SLC24A2: variants seen among roughly 807,000 people sequenced by gnomAD.
The protein encoded by SLC24A2 is solute carrier family 24 member 2.
A neutral mutation model predicts 62.0 loss-of-function variants in SLC24A2; 36 were observed. That is an observed-to-expected ratio of 0.58 (90% CI 0.44 to 0.77). SLC24A2 has a LOEUF of 0.77. Among genes scored for constraint, SLC24A2 ranks in the 30% least tolerant of loss-of-function variants. The pLI is 0.00. For missense variants in SLC24A2, 846 were observed against 817.9 expected, an observed-to-expected ratio of 1.03 and a Z score of -0.42; for synonymous variants, 358 against 294.0, an observed-to-expected ratio of 1.22 and a Z score of -2.23.
the SLC24A2 span, among the ~76,000 whole-genome samples, chr9:19,900,226 A>C: frequency 2.6e-5 from 4 of 152,226 alleles, no homozygotes; most frequent in South Asian, 8.3e-4. Flanking sequence ...TCATTTAGCC[A>C]GTTCTGATGT....
chr9:20,251,637 T>C, the SLC24A2 span, among the ~76,000 whole-genome samples: 4 of 152,322 alleles, frequency 2.6e-5, no homozygotes, highest in Middle Eastern at 3.4e-3. Context: ...AGTTACATGG[T>C]ATATCAGTTA....
chr9:19,904,656 C>T, the SLC24A2 span, among the ~76,000 whole-genome samples: 2 of 152,132 alleles, frequency 1.3e-5, no homozygotes, highest in African/African-American at 4.8e-5. Context: ...TGATTCTTCT[C>T]AGTCAGGTAA....
chr9:20,162,517 C>A, the SLC24A2 span, among the ~76,000 whole-genome samples: 8 of 151,970 alleles, frequency 5.3e-5, no homozygotes, highest in East Asian at 1.9e-4. Context: ...GAGTCCAGGA[C>A]CAGATGGATT....
At chr9:19,523,347 G>A (rs1374599963) in intron 9 of SLC24A2, among the ~76,000 whole-genome samples, 1 of 152,140 alleles carries the variant, frequency 6.6e-6, no homozygotes, top group Non-Finnish European at 1.5e-5. Flanking sequence ...TTTCCTATCT[G>A]TAAAATGAGG....
In SLC24A2 at chr9:19,514,877, C is replaced by G. The variant is rs534599657; in HGVS notation, c.*1276G>C. On this transcript the variant is annotated 3_prime_UTR_variant, in exon 11 of 11. Coordinates refer to ENST00000341998, the MANE Select transcript of SLC24A2 (RefSeq NM_020344.4). ...CAAGCATCGCTAAGTTGCCTCAACC[C>G]AAGCAGTGCTGATCAGAGTTAAGTT... is the stretch of plus-strand genomic sequence containing the variant. The G allele has an allele frequency of 4.5e-4, 69 of 152,292 alleles. No individual in the cohort carries two copies. The highest frequency in any genetic ancestry group is 1.7e-3 in the African/African-American group (69 of 41,564). The allele number at this position is 152,292 out of a possible 1,614,324, so 9.4% of individuals were successfully genotyped here. A position where few individuals can be genotyped will look rare whatever the true frequency, so the allele number is the denominator to read the frequency against.
At chr9:20,111,405 G>A in the SLC24A2 span, among the ~76,000 whole-genome samples, 1 of 152,116 alleles carries the variant, frequency 6.6e-6, no homozygotes, top group Non-Finnish European at 1.5e-5. Flanking sequence ...CTCTCCAGGT[G>A]TTATTAGCCT....
At chr9:19,634,980 C>T (rs976455333) in intron 2 of SLC24A2, among the ~76,000 whole-genome samples, 18 of 152,114 alleles carry the variant, frequency 1.2e-4, no homozygotes, top group African/African-American at 4.3e-4. Context: ...GCTGGAGATT[C>T]ACCCTTAAAA....
the SLC24A2 span, among the ~76,000 whole-genome samples, chr9:20,089,427 T>G: frequency 1.3e-5 from 2 of 152,022 alleles, no homozygotes; most frequent in Non-Finnish European, 2.9e-5. Flanking sequence ...GCCACTGCAA[T>G]TGCAGTGCTA....
the SLC24A2 span, among the ~76,000 whole-genome samples, chr9:20,174,927 A>G: frequency 1.3e-5 from 2 of 151,812 alleles, no homozygotes; most frequent in African/African-American, 2.4e-5. Context: ...ACAATTCACA[A>G]TTGCAAAAAT....
At chr9:19,895,546 CTTT>C in the SLC24A2 span, among the ~76,000 whole-genome samples, 2 of 135,332 alleles carry the variant, frequency 1.5e-5, no homozygotes, top group African/African-American at 5.3e-5. Flanking sequence ...TTCTTTCTTT[CTTT>C]TTTTTTTTTT....
At chr9:19,843,511 T>C in the SLC24A2 span, among the ~76,000 whole-genome samples, 1 of 152,098 alleles carries the variant, frequency 6.6e-6, no homozygotes, top group Non-Finnish European at 1.5e-5. Context: ...AAACTCCATA[T>C]AAAAAAATAA....
chr9:20,022,724 T>A, the SLC24A2 span, among the ~76,000 whole-genome samples: 2 of 152,222 alleles, frequency 1.3e-5, no homozygotes, highest in African/African-American at 4.8e-5. Context: ...TTGACTGTTA[T>A]TAAAAAGAAG....
At chr9:19,779,652 A>AG (rs1284369644) in intron 2 of SLC24A2, among the ~76,000 whole-genome samples, 1 of 152,242 alleles carries the variant, frequency 6.6e-6, no homozygotes, top group Non-Finnish European at 1.5e-5. Context: ...AGGAATGAGG[A>AG]GGGGAAAAAC....
intron 5 of SLC24A2, among the ~76,000 whole-genome samples, chr9:19,595,684 T>G (rs1436733509): frequency 6.6e-6 from 1 of 152,014 alleles, no homozygotes; most frequent in African/African-American, 2.4e-5. Flanking sequence ...TGGACAACAT[T>G]TGCTCAGATG....
the SLC24A2 span, among the ~76,000 whole-genome samples, chr9:19,952,332 A>G: frequency 1.3e-5 from 2 of 152,012 alleles, no homozygotes; most frequent in African/African-American, 4.8e-5. Flanking sequence ...TGCACTGGTT[A>G]TGACCTATAG....
chr9:20,239,645 G>C, the SLC24A2 span, among the ~76,000 whole-genome samples: 1 of 152,272 alleles, frequency 6.6e-6, no homozygotes, highest in East Asian at 1.9e-4. Context: ...TTGAATTTAG[G>C]AATAAAGAGA....
At chr9:20,126,987 CA>C in the SLC24A2 span, among the ~76,000 whole-genome samples, 1 of 152,130 alleles carries the variant, frequency 6.6e-6, no homozygotes, top group Non-Finnish European at 1.5e-5. Flanking sequence ...ATGGATTTGT[CA>C]ATTGACATAA....
At chr9:19,526,055 T>G (rs181567003) in intron 9 of SLC24A2, among the ~76,000 whole-genome samples, 1 of 152,154 alleles carries the variant, frequency 6.6e-6, no homozygotes, top group Non-Finnish European at 1.5e-5. Context: ...CTATTATATG[T>G]CTCTATAGAT....
At chr9:19,591,791 T>G (rs1836561061) in intron 5 of SLC24A2, among the ~76,000 whole-genome samples, 1 of 152,178 alleles carries the variant, frequency 6.6e-6, no homozygotes, top group Non-Finnish European at 1.5e-5. Context: ...ATTCTTACAC[T>G]TGAGAGAAAA....
Sources: gnomAD v4.1 joint callset for allele counts (sites outside exome capture counted in the v4.1 genomes callset) on GRCh38, gnomAD v4.1.1 for gene constraint, MANE v1.5 for transcripts, NCBI Gene and HGNC (gene_info 2026-07-23, HGNC 2026-07-21) for gene names.